Variants in AUTS2 observed in about 807,000 individuals in gnomAD.
The protein encoded by AUTS2 is activator of transcription and developmental regulator AUTS2, also known as autism susceptibility gene 2 protein.
AUTS2 carries 17 observed loss-of-function variants against 112.4 expected under a neutral mutation model. The ratio of observed to expected loss-of-function variants is 0.15; its 90% confidence interval spans 0.10 to 0.23. The LOEUF (loss-of-function observed/expected upper bound fraction) is 0.23, where lower values mean the gene tolerates loss of function less well. Ranked by LOEUF, AUTS2 falls within the 10% of genes least tolerant of loss-of-function variation. The pLI, the probability that AUTS2 is intolerant of heterozygous loss-of-function variation, is 1.00. For missense variants in AUTS2, 1,510 were observed against 1,701.6 expected (o/e 0.89, Z 1.98); for synonymous variants, 751 against 702.7 (o/e 1.07, Z -1.09).
chr7:70,311,199 G>T (rs935742391), intron 4 of AUTS2, among the ~76,000 whole-genome samples: 1 of 152,152 alleles, frequency 6.6e-6, no homozygotes, highest in African/African-American at 2.4e-5. Context: ...TGTAGAATGG[G>T]AATAGCAATG....
intron 4 of AUTS2, among the ~76,000 whole-genome samples, chr7:70,414,352 G>A (rs1048840669): frequency 2.0e-5 from 3 of 152,144 alleles, no homozygotes; most frequent in Admixed American, 6.5e-5. Flanking sequence ...CTTTTGTAGC[G>A]ATGAACATAC....
chr7:70,370,032 C>G (rs548686363), intron 4 of AUTS2, among the ~76,000 whole-genome samples: 2 of 152,190 alleles, frequency 1.3e-5, no homozygotes, highest in African/African-American at 4.8e-5. Context: ...GGAGTGCAGC[C>G]TAGCACCTTG....
chr7:69,904,359 G>A (rs1260121863), intron 2 of AUTS2, among the ~76,000 whole-genome samples: 2 of 152,194 alleles, frequency 1.3e-5, no homozygotes, highest in Non-Finnish European at 2.9e-5. Context: ...GGAAAACTTT[G>A]ATTAAACGGA....
At chr7:70,689,963 T>C (rs4717543) in intron 5 of AUTS2, among the ~76,000 whole-genome samples, 3,053 of 152,306 alleles carry the variant, frequency 0.02, 53 homozygotes, top group East Asian at 0.082. Flanking sequence ...AAATAGACTT[T>C]TATTTTGTTG....
intron 6 of AUTS2, among the ~76,000 whole-genome samples, chr7:70,735,846 G>A (rs1009380872): frequency 6.6e-6 from 1 of 152,134 alleles, no homozygotes; most frequent in Non-Finnish European, 1.5e-5. Flanking sequence ...ATCTTGGAGG[G>A]ACAAGAGACT....
intron 1 of AUTS2, among the ~76,000 whole-genome samples, chr7:69,647,127 C>A (rs1158337028): frequency 6.6e-6 from 1 of 152,118 alleles, no homozygotes; most frequent in Non-Finnish European, 1.5e-5. Context: ...AGCATAGTGA[C>A]CTTGTGCCTC....
intron 4 of AUTS2, among the ~76,000 whole-genome samples, chr7:70,144,000 T>G (rs1806996032): frequency 6.6e-6 from 1 of 152,126 alleles, no homozygotes; most frequent in Admixed American, 6.6e-5. Flanking sequence ...AGCTGGACTG[T>G]CTTAGAAGGA....
intron 5 of AUTS2, among the ~76,000 whole-genome samples, chr7:70,696,572 A>G (rs1475769139): frequency 6.6e-6 from 1 of 152,210 alleles, no homozygotes. Flanking sequence ...TGGTTCAGAC[A>G]TGAGGATCAC....
intron 2 of AUTS2, among the ~76,000 whole-genome samples, chr7:69,903,643 G>A (rs1474657351): frequency 2.0e-5 from 3 of 152,142 alleles, no homozygotes; most frequent in Non-Finnish European, 4.4e-5. Context: ...AATAAATCCT[G>A]TGGTCTCCCT....
intron 1 of AUTS2, among the ~76,000 whole-genome samples, chr7:69,602,106 T>C (rs1792470860): frequency 6.7e-6 from 1 of 149,928 alleles, no homozygotes; most frequent in Non-Finnish European, 1.5e-5. Flanking sequence ...ATCTCACTTA[T>C]GCAGTTCTTT....
rs913675895 is a variant in AUTS2 at position 70,712,794 on chromosome 7, T to A, written c.742+14174T>A. On this transcript the variant is annotated intron_variant, in intron 6 of 18. Transcript: ENST00000342771. ...CTAGGTTCGTAGTTGGGCAGCCTTT[T>A]TTTTGGAGGGGACAGAGTCTCAATC... Among the ~76,000 whole-genome samples the A allele has an allele frequency of 5.9e-5, 9 of 152,282 alleles. 1 individual carries two copies. Among genetic ancestry groups the A allele is most frequent in the Admixed American group, 5.9e-4 (9 of 15,304 alleles).
chr7:69,735,242 A>C (rs2129237715), intron 1 of AUTS2, among the ~76,000 whole-genome samples: 2 of 152,366 alleles, frequency 1.3e-5, no homozygotes, highest in South Asian at 4.1e-4. Flanking sequence ...AGAATGAGAA[A>C]GCACCTGAGG....
At chr7:69,668,982 T>C (rs935387704) in intron 1 of AUTS2, among the ~76,000 whole-genome samples, 5 of 152,148 alleles carry the variant, frequency 3.3e-5, no homozygotes, top group African/African-American at 1.2e-4. Flanking sequence ...GAGGGAGATT[T>C]GACCATTGAG....
At chr7:69,925,712 G>A (rs999986882) in intron 2 of AUTS2, among the ~76,000 whole-genome samples, 1 of 152,178 alleles carries the variant, frequency 6.6e-6, no homozygotes, top group African/African-American at 2.4e-5. Flanking sequence ...TAGAGATAGT[G>A]TCTTACTATG....
intron 4 of AUTS2, among the ~76,000 whole-genome samples, chr7:70,364,364 A>G (rs1792456587): frequency 6.6e-6 from 1 of 151,900 alleles, no homozygotes; most frequent in Admixed American, 6.6e-5. Context: ...GAGATAAGAG[A>G]ACATCCTGGC....
At position 70,636,830 on chromosome 7, in the gene AUTS2, T is replaced by TG. The variant is rs201300243; in HGVS notation, c.691-61734dup. Among the ~76,000 whole-genome samples, 1,292 of 151,754 alleles carry TG rather than the reference T, an allele frequency of 8.5e-3. 23 individuals are homozygous for TG. Among genetic ancestry groups the TG allele is most frequent in the African/African-American group, 0.029 (1,203 of 41,358 alleles). On this transcript the variant is annotated intron_variant, in intron 5 of 18. Transcript: ENST00000342771. The stretch of plus-strand genomic sequence containing the variant: ...CCCAAGTAATTTTTTTTTTAAGAGA[T>TG]GGGGGTCTTGCTATGTTGCCCAGGC...
chr7:70,203,698 G>A (rs958853785), intron 4 of AUTS2, among the ~76,000 whole-genome samples: 1 of 147,080 alleles, frequency 6.8e-6, no homozygotes, highest in African/African-American at 2.5e-5. Flanking sequence ...GAAAAGTATG[G>A]TGGTATAGTG....
chr7:70,767,955 C>T, intron 9 of AUTS2, 69 bp from the exon 10 acceptor site: 1 of 1,488,842 alleles, frequency 6.7e-7, no homozygotes, highest in Non-Finnish European at 9.3e-7. Flanking sequence ...CTTTGTAGGG[C>T]CACCTCCACT....
chr7:70,724,252 G>A (rs941243853), intron 6 of AUTS2, among the ~76,000 whole-genome samples: 1 of 151,950 alleles, frequency 6.6e-6, no homozygotes, highest in Non-Finnish European at 1.5e-5. Flanking sequence ...TATACCTTTA[G>A]GTGTTTTCAG....
Sources: gnomAD v4.1 joint callset for allele counts (sites outside exome capture counted in the v4.1 genomes callset) on GRCh38, gnomAD v4.1.1 for gene constraint, MANE v1.5 for transcripts, NCBI Gene and HGNC (gene_info 2026-07-23, HGNC 2026-07-21) for gene names.